The following ZNF33B variants were observed in gnomAD, a reference collection of about 807,000 sequenced individuals.
ZNF33B encodes the protein zinc finger protein 11b (KOX 2).
Under a neutral mutation model 45.8 loss-of-function variants are expected in ZNF33B, and 29 were observed. The observed-to-expected ratio is 0.63, with a 90% CI of 0.47 to 0.86. ZNF33B has a LOEUF of 0.86. ZNF33B is among the 40% of genes least tolerant of loss of function. ZNF33B has a pLI of 0.00. For synonymous variants in ZNF33B, 305 were observed against 307.8 expected (o/e 0.99, Z 0.10); for missense variants, 831 against 909.9 (o/e 0.91, Z 1.12).
At chr10:42,585,742 T>G (rs572284191), downstream of ZNF33B, among the ~76,000 whole-genome samples, 2 of 152,250 alleles carry the variant, frequency 1.3e-5, no homozygotes, top group Non-Finnish European at 2.9e-5. Context: ...TATATTTACA[T>G]GTACCTTGCT....
chr10:42,597,298 A>G (rs115652046), intron 4 of ZNF33B, among the ~76,000 whole-genome samples: 2,556 of 152,248 alleles, frequency 0.017, 77 homozygotes, highest in African/African-American at 0.059. Context: ...TATAGTAAAA[A>G]GTAAAATAAA....
intron 2 of ZNF33B, 33 bp downstream of exon 2, chr10:42,636,887 C>T: frequency 6.2e-7 from 1 of 1,613,944 alleles, no homozygotes; most frequent in Non-Finnish European, 8.5e-7. Context: ...AAGTCCACCG[C>T]AAAATAAAGT....
intron 4 of ZNF33B, among the ~76,000 whole-genome samples, chr10:42,602,119 G>A (rs566845008): frequency 6.6e-6 from 1 of 151,730 alleles, no homozygotes; most frequent in East Asian, 1.9e-4. Context: ...TACAGATGAG[G>A]TTTCATCATG....
rs1837243798 is a variant in ZNF33B at position 42,593,493 on chromosome 10, T to C, written c.1457A>G (p.Gln486Arg). 6.2e-7 allele frequency: 1 copy of C among 1,613,938 alleles called. No individual in the cohort carries two copies. The highest frequency in any genetic ancestry group is 1.3e-5 in the African/African-American group (1 of 74,910). ...KSFCQKSHLT[Q>R]HQRTHIGDKP... is the part of the protein sequence containing the mutation. ...ATCTCCTATGTGAGTTCTCTGATGC[T>C]GTGTAAGATGTGACTTTTGACAAAA... Residue 486 changes from glutamine to arginine, a missense_variant, in exon 5 of 5, where the codon CAG becomes CGG. Physicochemically the swap from Gln to Arg is conservative, Grantham distance 43. Transcript: ENST00000359467.
rs766806829 is a variant in ZNF33B, at chr10:42,592,645, T to C, written c.2305A>G (p.Arg769Gly). Residue 769 changes from arginine (R) to glycine (G), a missense_variant, in exon 5 of 5, where the codon AGA (arginine) becomes GGA (glycine). By Grantham distance (125) the Arg-to-Gly change is moderately radical (BLOSUM62 -2). Coordinates refer to ENST00000359467, the MANE Select transcript of ZNF33B (RefSeq NM_006955.3). ...TAAGGTTTTTCTCCTATGTGTGTTCTCTGATGTACAATGAGATTTGACTTT... is the reference window on the plus strand; with the variant it reads ...TAAGGTTTTTCTCCTATGTGTGTTCCCTGATGTACAATGAGATTTGACTTT... ...SQKSNLIVHQ[R>G]THIGEKPYE 8.7e-6 allele frequency: 14 copies of C among 1,613,746 alleles called. No homozygotes were observed. In the South Asian group the frequency reaches 1.5e-4, roughly 18 times the overall value.
chr10:42,637,022 C>A, intron 1 of ZNF33B, 50 bp from the exon 2 acceptor site: 1 of 1,588,976 alleles, frequency 6.3e-7, no homozygotes, highest in East Asian at 2.2e-5. Context: ...GCCTGCCTGG[C>A]AACTCCCGGA....
chr10:42,598,981 G>A (rs1336025396), intron 4 of ZNF33B, among the ~76,000 whole-genome samples: 1 of 152,094 alleles, frequency 6.6e-6, no homozygotes, highest in Admixed American at 6.6e-5. Context: ...TTGTTTGCTG[G>A]AATTCACTAC....
intron 1 of ZNF33B, chr10:42,583,242 A>C: frequency 1.6e-6 from 1 of 638,966 alleles, no homozygotes; most frequent in Non-Finnish European, 2.9e-6. Context: ...TAACCAAAGG[A>C]GGGAGACAAA....
chr10:42,596,208 C>T (rs1310829027), intron 4 of ZNF33B, among the ~76,000 whole-genome samples: 2 of 151,668 alleles, frequency 1.3e-5, no homozygotes, highest in Admixed American at 1.3e-4. Context: ...AGACCTGATC[C>T]ATGATGGTTC....
rs1205498543 is a variant in ZNF33B, at chr10:42,594,319, T to A, written c.631A>T (p.Lys211Ter). Residue 211 changes from lysine (K) to a stop codon, truncating the protein, a stop_gained, in exon 5 of 5, where the codon AAG becomes TAG. Transcript: ENST00000359467. LOFTEE classifies it low-confidence loss of function (END_TRUNC). ...AAATTGTGGTCTAAAGTTTGAATCT[T>A]CTCATGCTGCAAAGTGTTCTCACGA... ...SHRENTLQHE[K>*]IQTLDHNFEY... 1 of 1,613,812 alleles carries A rather than the reference T, an allele frequency of 6.2e-7. No individual in the cohort carries two copies. The highest frequency in any genetic ancestry group is 2.2e-5 in the East Asian group (1 of 44,876).
At chr10:42,621,272 C>T (rs1838571757) in intron 4 of ZNF33B, among the ~76,000 whole-genome samples, 1 of 151,516 alleles carries the variant, frequency 6.6e-6, no homozygotes, top group Admixed American at 6.6e-5. Flanking sequence ...TTCGAGGCTA[C>T]AGTGAGCCAT....
At chr10:42,624,876 TTTTGAACCACAG>T (rs1374568107) in intron 4 of ZNF33B, among the ~76,000 whole-genome samples, 3 of 152,112 alleles carry the variant, frequency 2.0e-5, no homozygotes, top group Admixed American at 6.6e-5. Flanking sequence ...TATTTAATAT[TTTTGAACCACAG>T]TTGACCTCAG....
At chr10:42,584,081 G>T (rs76859311) in intron 1 of ZNF33B, among the ~76,000 whole-genome samples, 4,584 of 152,294 alleles carry the variant, frequency 0.03, 203 homozygotes, top group East Asian at 0.13. Flanking sequence ...CCTCCACTAA[G>T]CAGGTCTGTG....
At chr10:42,600,524 T>C (rs1328129287) in intron 4 of ZNF33B, among the ~76,000 whole-genome samples, 1 of 152,200 alleles carries the variant, frequency 6.6e-6, no homozygotes, top group African/African-American at 2.4e-5. Context: ...TTCTACATCT[T>C]TTCCCATTCT....
Position 42,593,021 on chromosome 10 carries a change from T to C in ZNF33B, c.1929A>G (p.Gly643=). 1 of 1,614,118 alleles carries C rather than the reference T, an allele frequency of 6.2e-7. No individual in the cohort carries two copies. The highest frequency in any genetic ancestry group is 8.5e-7 in the Non-Finnish European group (1 of 1,179,988). The part of the protein sequence containing the change: ...GEKPYECNEC[G]KAFCHKSALI... ...GAGCTGACTTATGGCAGAAAGCTTT[T>C]CCACACTCATTACATTCATAGGGTT... The change falls in exon 5 of 5, where the codon GGA becomes GGG. Residue 643 remains glycine, a synonymous_variant. Coordinates refer to ENST00000359467, the MANE Select transcript of ZNF33B (RefSeq NM_006955.3).
intron 4 of ZNF33B, among the ~76,000 whole-genome samples, chr10:42,603,650 C>G (rs541964029): frequency 6.6e-5 from 10 of 152,292 alleles, no homozygotes; most frequent in African/African-American, 1.7e-4. Flanking sequence ...CCAAATTTAA[C>G]AAGAGCAAAC....
intron 4 of ZNF33B, among the ~76,000 whole-genome samples, chr10:42,615,088 C>A (rs1431489030): frequency 6.6e-6 from 1 of 151,982 alleles, no homozygotes; most frequent in Non-Finnish European, 1.5e-5. Flanking sequence ...TGTTGGCAAA[C>A]TGGAGAAACT....
At chr10:42,575,790 G>C (rs1462954580) in intron 1 of ZNF33B, among the ~76,000 whole-genome samples, 8 of 149,582 alleles carry the variant, frequency 5.3e-5, no homozygotes, top group Non-Finnish European at 1.0e-4. Flanking sequence ...GAGTGCACTA[G>C]AGCAATCTCA....
intron 4 of ZNF33B, among the ~76,000 whole-genome samples, chr10:42,621,306 T>C (rs1179680668): frequency 1.3e-5 from 2 of 151,918 alleles, no homozygotes; most frequent in African/African-American, 2.4e-5. Flanking sequence ...CACTCCAGTC[T>C]GGGCAACAGA....
Sources: gnomAD v4.1 joint callset for allele counts (sites outside exome capture counted in the v4.1 genomes callset) on GRCh38, gnomAD v4.1.1 for gene constraint, MANE v1.5 for transcripts, NCBI Gene and HGNC (gene_info 2026-07-23, HGNC 2026-07-21) for gene names.